C12orf42: variants seen among roughly 807,000 people sequenced by gnomAD.
C12orf42 encodes the protein chromosome 12 open reading frame 42.
C12orf42 carries 25 observed loss-of-function variants against 21.6 expected under a neutral mutation model. The observed-to-expected ratio is 1.16, with a 90% CI of 0.84 to 1.62. C12orf42 has a LOEUF of 1.62. Ranked by LOEUF, C12orf42 falls within the 40% of genes most tolerant of loss-of-function variation. The pLI is 0.00. For synonymous variants in C12orf42, 174 were observed against 175.0 expected (o/e 0.99, Z 0.05); for missense variants, 483 against 459.3 (o/e 1.05, Z -0.47).
chr12:103,403,892 G>A (rs2048228410), intron 2 of C12orf42, among the ~76,000 whole-genome samples: 1 of 152,152 alleles, frequency 6.6e-6, no homozygotes, highest in Non-Finnish European at 1.5e-5. Context: ...TTTTATTTCA[G>A]TGGAGATTTC....
chr12:103,294,627 AGAAAGAAAGAAG>A (rs1212708960), intron 4 of C12orf42, among the ~76,000 whole-genome samples: 115 of 149,486 alleles, frequency 7.7e-4, no homozygotes, highest in African/African-American at 2.6e-3. Context: ...AAAGAAAGAA[AGAAAGAAAGAAG>A]GAAAAGAAAG....
At chr12:103,082,205 G>A in the C12orf42 span, among the ~76,000 whole-genome samples, 12 of 152,286 alleles carry the variant, frequency 7.9e-5, no homozygotes, top group African/African-American at 2.9e-4. Flanking sequence ...TTGTTCAATG[G>A]CACATGCTAA....
the C12orf42 span, among the ~76,000 whole-genome samples, chr12:103,052,524 G>T: frequency 1.3e-5 from 2 of 151,808 alleles, no homozygotes; most frequent in Non-Finnish European, 1.5e-5. Context: ...CAATTGTCTG[G>T]ATTTTTTATT....
chr12:103,308,360 T>G (rs2038589894), intron 4 of C12orf42, among the ~76,000 whole-genome samples: 1 of 152,214 alleles, frequency 6.6e-6, no homozygotes, highest in Non-Finnish European at 1.5e-5. Flanking sequence ...CTCAGAGGTA[T>G]AATTCAAACT....
the C12orf42 span, among the ~76,000 whole-genome samples, chr12:103,521,155 A>T: frequency 6.6e-6 from 1 of 152,224 alleles, no homozygotes; most frequent in Admixed American, 6.5e-5. Flanking sequence ...TTCAGGGACC[A>T]TTAGTCTGAG....
chr12:103,126,782 A>G, the C12orf42 span, among the ~76,000 whole-genome samples: 2 of 152,212 alleles, frequency 1.3e-5, no homozygotes, highest in Non-Finnish European at 2.9e-5. Flanking sequence ...AAAATATAAA[A>G]TAACTGAATA....
chr12:103,405,505 C>G (rs2048358850), intron 2 of C12orf42, among the ~76,000 whole-genome samples: 1 of 152,124 alleles, frequency 6.6e-6, no homozygotes, highest in African/African-American at 2.4e-5. Context: ...AAACTGGAGT[C>G]TTGATCATGC....
chr12:103,289,249 G>A (rs1316875009), intron 4 of C12orf42, among the ~76,000 whole-genome samples: 5 of 130,056 alleles, frequency 3.8e-5, no homozygotes, highest in Non-Finnish European at 8.5e-5. Context: ...AATTCATCAT[G>A]ACAAAACAAA....
the C12orf42 span, among the ~76,000 whole-genome samples, chr12:103,560,259 C>A: frequency 6.1e-5 from 3 of 48,828 alleles, no homozygotes; most frequent in African/African-American, 1.8e-4. Context: ...TTTCTAAATG[C>A]TTGTGGAACA....
At chr12:103,168,696 A>C in the C12orf42 span, among the ~76,000 whole-genome samples, 1 of 152,218 alleles carries the variant, frequency 6.6e-6, no homozygotes, top group African/African-American at 2.4e-5. Context: ...TTCTACTATA[A>C]AGACACATGC....
chr12:103,383,021 G>T (rs552856848), intron 3 of C12orf42, among the ~76,000 whole-genome samples: 11 of 152,282 alleles, frequency 7.2e-5, no homozygotes, highest in African/African-American at 2.2e-4. Context: ...TCAGGAATAT[G>T]CACCTGTACA....
intron 4 of C12orf42, among the ~76,000 whole-genome samples, chr12:103,361,753 AC>A: frequency 6.6e-6 from 1 of 152,014 alleles, no homozygotes; most frequent in South Asian, 2.1e-4. Flanking sequence ...TTCCCTGACT[AC>A]CTGCATGACA....
chr12:103,336,557 T>C (rs553275336), intron 4 of C12orf42, among the ~76,000 whole-genome samples: 1 of 152,316 alleles, frequency 6.6e-6, no homozygotes, highest in South Asian at 2.1e-4. Context: ...TGACACATAG[T>C]AGATCTCCTA....
At chr12:103,055,128 G>A in the C12orf42 span, among the ~76,000 whole-genome samples, 3 of 151,858 alleles carry the variant, frequency 2.0e-5, no homozygotes, top group Admixed American at 6.6e-5. Context: ...TCTGGAAGAA[G>A]TTCTATAAAA....
At chr12:103,146,551 T>TAAAAAAAGA in the C12orf42 span, among the ~76,000 whole-genome samples, 1 of 39,360 alleles carries the variant, frequency 2.5e-5, no homozygotes, top group Non-Finnish European at 5.1e-5. Flanking sequence ...GAAAGAGAAA[T>TAAAAAAAGA]AAAGAAAGAA....
chr12:103,348,241 T>C lies in C12orf42; in HGVS notation c.259+20646A>G, dbSNP rs556999393. Among the ~76,000 whole-genome samples, 5 of 152,274 alleles carry C rather than the reference T, an allele frequency of 3.3e-5. No homozygotes were observed. In the South Asian group the frequency reaches 1.0e-3, roughly 32 times the overall value. ...ATCCCAGAACCTAGAGATCTACATGTGAAGCATTAAGTCAGTGAGAAGCCT... is the reference window on the plus strand; with the variant it reads ...ATCCCAGAACCTAGAGATCTACATGCGAAGCATTAAGTCAGTGAGAAGCCT... On this transcript the variant is annotated intron_variant, in intron 4 of 5. Transcript: ENST00000548883.
chr12:103,483,516 T>C (rs189604220), intron 1 of C12orf42, among the ~76,000 whole-genome samples: 220 of 152,296 alleles, frequency 1.4e-3, no homozygotes, highest in African/African-American at 5.2e-3. Context: ...GCATAAGGAC[T>C]CAAGCATTTA....
At chr12:103,294,759 C>T (rs1239581392) in intron 4 of C12orf42, among the ~76,000 whole-genome samples, 1 of 152,152 alleles carries the variant, frequency 6.6e-6, no homozygotes, top group African/African-American at 2.4e-5. Context: ...CTTAAGAATT[C>T]TGCAGCATTT....
chr12:103,218,597 G>A, the C12orf42 span, among the ~76,000 whole-genome samples: 412 of 152,234 alleles, frequency 2.7e-3, 2 homozygotes, highest in African/African-American at 9.2e-3. Flanking sequence ...ACCCAGACAC[G>A]GCAGGCAGAG....
Sources: gnomAD v4.1 joint callset for allele counts (sites outside exome capture counted in the v4.1 genomes callset) on GRCh38, gnomAD v4.1.1 for gene constraint, MANE v1.5 for transcripts, NCBI Gene and HGNC (gene_info 2026-07-23, HGNC 2026-07-21) for gene names.